TENM3: variants seen among roughly 807,000 people sequenced by gnomAD.
TENM3 encodes the protein teneurin transmembrane protein 3.
TENM3 carries 63 observed loss-of-function variants against 255.1 expected under a neutral mutation model. That is an observed-to-expected ratio of 0.25 (90% CI 0.20 to 0.30). The LOEUF (loss-of-function observed/expected upper bound fraction) is 0.30, where lower values mean the gene tolerates loss of function less well. Ranked by LOEUF, TENM3 falls within the 10% of genes least tolerant of loss-of-function variation. The pLI, the probability that TENM3 is intolerant of heterozygous loss-of-function variation, is 1.00. For missense variants in TENM3, 2,929 were observed against 3,461.1 expected (o/e 0.85, Z 3.86); for synonymous variants, 1,306 against 1,322.3 (o/e 0.99, Z 0.27).
rs188275092 is a variant in TENM3, at chr4:182,787,371, G to A, written c.5305-1722G>A. ...GGGTTCCTCCCCCAACCACCACTCC[G>A]GACTATCTGCTGTGACACGGTGTTG... On this transcript the variant is annotated intron_variant, in intron 24 of 27. Coordinates refer to ENST00000511685, the MANE Select transcript of TENM3 (RefSeq NM_001080477.4). Among the ~76,000 whole-genome samples, 239 of 152,240 alleles carry A rather than the reference G, an allele frequency of 1.6e-3. 2 individuals are homozygous for A. Among genetic ancestry groups the A allele is most frequent in the African/African-American group, 5.5e-3 (229 of 41,530 alleles).
chr4:181,767,064 A>AAT, the TENM3 span, among the ~76,000 whole-genome samples: 1 of 130,790 alleles, frequency 7.6e-6, no homozygotes, highest in South Asian at 2.5e-4. Flanking sequence ...CATTCTGGCT[A>AAT]ACAAGGGGAA....
chr4:182,622,537 A>G (rs530891893), intron 4 of TENM3, among the ~76,000 whole-genome samples: 1 of 152,282 alleles, frequency 6.6e-6, no homozygotes, highest in African/African-American at 2.4e-5. Context: ...TAAGTTCATA[A>G]TCTTGAGAGT....
chr4:181,517,312 A>G, the TENM3 span, among the ~76,000 whole-genome samples: 2 of 152,158 alleles, frequency 1.3e-5, no homozygotes, highest in African/African-American at 2.4e-5. Context: ...GATATGTGCA[A>G]TGTCTATTTC....
At chr4:182,252,830 C>T (rs990491495) in intron 1 of TENM3, among the ~76,000 whole-genome samples, 1 of 152,164 alleles carries the variant, frequency 6.6e-6, no homozygotes, top group African/African-American at 2.4e-5. Context: ...CACATTGCAA[C>T]AGTCACAACA....
chr4:182,141,808 A>G (rs930612629), upstream of TENM3: 2 of 152,276 alleles, frequency 1.3e-5, no homozygotes, highest in African/African-American at 2.4e-5. Context: ...CGTTAGCTGT[A>G]ATGAGGATTC....
At chr4:181,698,767 C>A in the TENM3 span, among the ~76,000 whole-genome samples, 15 of 152,130 alleles carry the variant, frequency 9.9e-5, no homozygotes, top group African/African-American at 3.6e-4. Context: ...CCTTGCGATT[C>A]TAGACATTAT....
the TENM3 span, among the ~76,000 whole-genome samples, chr4:182,054,931 C>T: frequency 0.58 from 88,660 of 152,064 alleles, 30,271 homozygotes; most frequent in South Asian, 0.76. Flanking sequence ...GAAGAGCATT[C>T]CAGAACCAGA....
At chr4:182,381,098 G>C (rs1272579855) in intron 3 of TENM3, among the ~76,000 whole-genome samples, 1 of 152,206 alleles carries the variant, frequency 6.6e-6, no homozygotes, top group Non-Finnish European at 1.5e-5. Flanking sequence ...GACCAGGAAC[G>C]AGATCAGACA....
chr4:181,903,144 C>T, the TENM3 span, among the ~76,000 whole-genome samples: 1 of 152,028 alleles, frequency 6.6e-6, no homozygotes, highest in Non-Finnish European at 1.5e-5. Flanking sequence ...TACGAGGGAT[C>T]CTATTCACCA....
the TENM3 span, among the ~76,000 whole-genome samples, chr4:181,638,859 C>T: frequency 6.6e-6 from 1 of 152,110 alleles, no homozygotes; most frequent in African/African-American, 2.4e-5. Flanking sequence ...GGGCAATTAG[C>T]TTCTAAATTA....
At chr4:181,869,809 A>G in the TENM3 span, among the ~76,000 whole-genome samples, 2 of 152,280 alleles carry the variant, frequency 1.3e-5, no homozygotes, top group African/African-American at 4.8e-5. Flanking sequence ...ATAAAATATC[A>G]CAAGAATGCT....
the TENM3 span, among the ~76,000 whole-genome samples, chr4:181,808,481 A>C: frequency 6.6e-6 from 1 of 152,194 alleles, no homozygotes; most frequent in Admixed American, 6.5e-5. Context: ...CAGCCTGGAG[A>C]AGGATACTTT....
chr4:182,063,104 C>A, the TENM3 span, among the ~76,000 whole-genome samples: 2 of 152,302 alleles, frequency 1.3e-5, no homozygotes, highest in East Asian at 3.9e-4. Context: ...AACAACTCAG[C>A]TAAGAATGTG....
intron 22 of TENM3, among the ~76,000 whole-genome samples, chr4:182,761,445 G>T (rs568806241): frequency 9.0e-5 from 13 of 144,322 alleles, no homozygotes; most frequent in African/African-American, 3.2e-4. Flanking sequence ...AATTAGAGAG[G>T]TGTCTTCCAC....
the TENM3 span, among the ~76,000 whole-genome samples, chr4:181,787,251 TA>T: frequency 7.2e-5 from 11 of 151,844 alleles, no homozygotes; most frequent in South Asian, 2.3e-3. Context: ...TTGTGGCAAT[TA>T]AGATACCAAA....
At chr4:181,608,325 G>A in the TENM3 span, among the ~76,000 whole-genome samples, 1 of 152,162 alleles carries the variant, frequency 6.6e-6, no homozygotes, top group Non-Finnish European at 1.5e-5. Context: ...GCATTGTTTT[G>A]ACAAATTGAA....
At chr4:181,797,657 C>G in the TENM3 span, among the ~76,000 whole-genome samples, 3 of 152,180 alleles carry the variant, frequency 2.0e-5, no homozygotes, top group African/African-American at 7.2e-5. Flanking sequence ...CACTTCATAG[C>G]TGAAGTGTCT....
intron 13 of TENM3, among the ~76,000 whole-genome samples, chr4:182,718,205 T>C (rs562424522): frequency 2.6e-5 from 4 of 152,274 alleles, no homozygotes; most frequent in East Asian, 1.9e-4. Context: ...CTTATATAAC[T>C]GAAAAATTCA....
the TENM3 span, among the ~76,000 whole-genome samples, chr4:182,096,248 T>C: frequency 6.6e-6 from 1 of 152,200 alleles, no homozygotes; most frequent in South Asian, 2.1e-4. Flanking sequence ...AAGGCCCCAC[T>C]GTCTAAAGAC....
Sources: allele counts gnomAD v4.1 joint callset (sites outside exome capture counted in the v4.1 genomes callset), GRCh38; gene constraint gnomAD v4.1.1; transcripts MANE v1.5; gene names NCBI Gene and HGNC (gene_info 2026-07-23, HGNC 2026-07-21).